Variants in CSMD3 observed in about 807,000 individuals in gnomAD.
The protein encoded by CSMD3 is CUB and Sushi multiple domains 3, also known as CUB and sushi domain-containing protein 3.
Under a neutral mutation model 435.2 loss-of-function variants are expected in CSMD3, and 177 were observed. The ratio of observed to expected loss-of-function variants is 0.41; its 90% CI spans 0.36 to 0.46. The LOEUF (loss-of-function observed/expected upper bound fraction) is 0.46, where lower values mean the gene tolerates loss of function less well. Among genes scored for constraint, CSMD3 ranks in the 20% least tolerant of loss-of-function variants. The probability of loss-of-function intolerance (pLI) is 0.34; values close to 1 mark genes in which losing one functional copy is unlikely to be tolerated. For missense variants in CSMD3, 4,265 were observed against 4,504.6 expected (o/e 0.95, Z 1.52); for synonymous variants, 1,656 against 1,520.5 (o/e 1.09, Z -2.07).
At chr8:113,406,845 G>T (rs1326976820) in intron 1 of CSMD3, among the ~76,000 whole-genome samples, 1 of 151,942 alleles carries the variant, frequency 6.6e-6, no homozygotes, top group Non-Finnish European at 1.5e-5. Flanking sequence ...ATAATTTGTG[G>T]ATATATGCAC....
intron 4 of CSMD3, among the ~76,000 whole-genome samples, chr8:113,133,135 T>C (rs1253270478): frequency 6.6e-6 from 1 of 152,096 alleles, no homozygotes; most frequent in African/African-American, 2.4e-5. Flanking sequence ...AAAGGCAATC[T>C]GAAAAAATTT....
At chr8:112,652,390 T>C (rs896171570) in intron 18 of CSMD3, among the ~76,000 whole-genome samples, 2 of 152,166 alleles carry the variant, frequency 1.3e-5, no homozygotes, top group Admixed American at 1.3e-4. Context: ...ACCTCTAACA[T>C]TGTAGTAAAA....
intron 3 of CSMD3, among the ~76,000 whole-genome samples, chr8:113,224,214 CATTTTA>C (rs1362470278): frequency 6.6e-6 from 1 of 151,206 alleles, no homozygotes; most frequent in Non-Finnish European, 1.5e-5. Flanking sequence ...AAAACCTCAA[CATTTTA>C]ATCTAACTTT....
At chr8:113,420,674 G>A (rs899729662) in intron 1 of CSMD3, among the ~76,000 whole-genome samples, 2 of 151,970 alleles carry the variant, frequency 1.3e-5, no homozygotes, top group South Asian at 2.1e-4. Flanking sequence ...TAGGCCAGGC[G>A]GGGTGGCTCA....
At chr8:112,756,833 A>C (rs1425369112) in intron 13 of CSMD3, among the ~76,000 whole-genome samples, 1 of 151,098 alleles carries the variant, frequency 6.6e-6, no homozygotes, top group East Asian at 2.0e-4. Context: ...CAATGGCGCA[A>C]TCTCTGCTCA....
chr8:112,530,858 G>A (rs928825221), intron 27 of CSMD3, among the ~76,000 whole-genome samples: 11 of 152,184 alleles, frequency 7.2e-5, no homozygotes, highest in African/African-American at 2.7e-4. Flanking sequence ...TGTAGCCACA[G>A]CCACGGCAGA....
intron 6 of CSMD3, among the ~76,000 whole-genome samples, chr8:112,987,567 C>G (rs578172731): frequency 1.4e-4 from 22 of 152,220 alleles, no homozygotes; most frequent in South Asian, 1.2e-3. Flanking sequence ...AAAACATACA[C>G]TGAGTCACAT....
rs577557916 is a variant in CSMD3 at position 113,115,503 on chromosome 8, T to C, written c.710-16540A>G. ...ATAAACACATTTCTACGTTATAGCATAATAGATTATTTTTGCATGTTTTGA... is the reference window on the plus strand; with the variant it reads ...ATAAACACATTTCTACGTTATAGCACAATAGATTATTTTTGCATGTTTTGA... On this transcript the variant is annotated intron_variant, in intron 4 of 70. Coordinates refer to ENST00000297405, the MANE Select transcript of CSMD3 (RefSeq NM_198123.2). Among the ~76,000 whole-genome samples, 12 of 152,314 alleles carry C rather than the reference T, an allele frequency of 7.9e-5. No homozygotes were observed. The East Asian group carries it at 1.7e-3, about 22-fold the overall frequency.
intron 5 of CSMD3, among the ~76,000 whole-genome samples, chr8:113,085,619 C>A (rs1008944372): frequency 2.0e-5 from 3 of 152,068 alleles, no homozygotes; most frequent in Non-Finnish European, 2.9e-5. Flanking sequence ...GAAATCCTGT[C>A]ATTAATGGCA....
At position 112,351,635 on chromosome 8, in the gene CSMD3, T is replaced by G. The variant is rs943222683; in HGVS notation, c.6256-391A>C. Among the ~76,000 whole-genome samples the G allele has an allele frequency of 3.9e-5, 6 of 152,094 alleles. No individual in the cohort carries two copies. The East Asian group carries it at 9.6e-4, about 24-fold the overall frequency. On this transcript the variant is annotated intron_variant, in intron 39 of 70. Coordinates refer to ENST00000297405, the MANE Select transcript of CSMD3 (RefSeq NM_198123.2). The stretch of plus-strand genomic sequence containing the variant: ...AGGTTAAAGAATAATTTTAAAATTT[T>G]TTCACAAAAATATTAAAACAAGTCA...
chr8:113,219,173 AG>A (rs1368045703), intron 3 of CSMD3, among the ~76,000 whole-genome samples: 1 of 151,444 alleles, frequency 6.6e-6, no homozygotes, highest in Non-Finnish European at 1.5e-5. Context: ...GGTCAGAAAC[AG>A]GGCATGGGTA....
At chr8:112,247,200 G>C (rs1303600578) in intron 63 of CSMD3, 69 bp from the exon 64 acceptor site, 7 of 928,232 alleles carry the variant, frequency 7.5e-6, no homozygotes, top group African/African-American at 4.9e-5. Context: ...AACAGAGCTT[G>C]AGTGAGAAAA....
intron 23 of CSMD3, among the ~76,000 whole-genome samples, chr8:112,573,922 A>T (rs1264978912): frequency 1.3e-5 from 2 of 151,946 alleles, no homozygotes; most frequent in African/African-American, 2.4e-5. Context: ...TTATTTTAAA[A>T]ATGCTTTTTC....
intron 22 of CSMD3, among the ~76,000 whole-genome samples, chr8:112,594,445 G>A (rs1229519478): frequency 6.6e-6 from 1 of 152,178 alleles, no homozygotes; most frequent in East Asian, 1.9e-4. Flanking sequence ...TGGGGGAGGG[G>A]CGCCCGCCAT....
intron 9 of CSMD3, among the ~76,000 whole-genome samples, chr8:112,936,508 T>G (rs1245999455): frequency 1.3e-5 from 2 of 152,140 alleles, no homozygotes; most frequent in African/African-American, 4.8e-5. Context: ...AGGGTCTGAC[T>G]AATTTGACTT....
intron 4 of CSMD3, among the ~76,000 whole-genome samples, chr8:113,153,796 T>C (rs1230668790): frequency 6.6e-6 from 1 of 152,084 alleles, no homozygotes; most frequent in East Asian, 1.9e-4. Context: ...GACTTTCTCC[T>C]CTACACACGT....
chr8:112,346,324 T>C, intron 40 of CSMD3, 111 bp from the exon 41 acceptor site: 1 of 738,722 alleles, frequency 1.4e-6, no homozygotes. Context: ...AAAACTGATA[T>C]AAATTTGAAT....
intron 3 of CSMD3, among the ~76,000 whole-genome samples, chr8:113,274,178 T>C (rs1028601266): frequency 2.6e-5 from 4 of 152,024 alleles, no homozygotes; most frequent in African/African-American, 7.2e-5. Context: ...GCACACAGAA[T>C]TGTTAAATTA....
At chr8:113,399,106 T>TATATACACAC (rs773585004) in intron 1 of CSMD3, among the ~76,000 whole-genome samples, 1,787 of 94,964 alleles carry the variant, frequency 0.019, 16 homozygotes, top group South Asian at 0.039. Flanking sequence ...TATATATATA[T>TATATACACAC]ACACACACAC....
Sources: allele counts gnomAD v4.1 joint callset (sites outside exome capture counted in the v4.1 genomes callset), GRCh38; gene constraint gnomAD v4.1.1; transcripts MANE v1.5; gene names NCBI Gene and HGNC (gene_info 2026-07-23, HGNC 2026-07-21).